Variants in TENM2 observed in about 807,000 individuals in gnomAD.
TENM2 encodes the protein teneurin-2.
TENM2 carries 52 observed loss-of-function variants against 245.2 expected under a neutral mutation model. The observed-to-expected ratio is 0.21, with a 90% CI of 0.17 to 0.27. The LOEUF (loss-of-function observed/expected upper bound fraction) is 0.27, where lower values mean the gene tolerates loss of function less well. TENM2 is among the 10% of genes least tolerant of loss of function. The pLI is 1.00. For missense variants in TENM2, 3,046 were observed against 3,666.8 expected (o/e 0.83, Z 4.37); for synonymous variants, 1,363 against 1,438.9 (o/e 0.95, Z 1.19).
At chr5:167,409,882 G>A (rs1751143451) in intron 2 of TENM2, among the ~76,000 whole-genome samples, 2 of 151,852 alleles carry the variant, frequency 1.3e-5, no homozygotes, top group Non-Finnish European at 2.9e-5. Flanking sequence ...ATTTTCTTGT[G>A]ATGTTGAGAA....
intron 1 of TENM2, among the ~76,000 whole-genome samples, chr5:167,303,765 C>T (rs1468900298): frequency 6.6e-6 from 1 of 152,000 alleles, no homozygotes; most frequent in African/African-American, 2.4e-5. Context: ...CTCACAAGGA[C>T]CAGGCAGGTA....
intron 3 of TENM2, among the ~76,000 whole-genome samples, chr5:167,925,134 C>T (rs966563708): frequency 6.6e-6 from 1 of 152,256 alleles, no homozygotes; most frequent in East Asian, 1.9e-4. Flanking sequence ...AACGTCTATC[C>T]ACATGTGAAT....
At chr5:167,430,722 C>T (rs982116459) in intron 2 of TENM2, among the ~76,000 whole-genome samples, 3 of 152,122 alleles carry the variant, frequency 2.0e-5, no homozygotes, top group African/African-American at 7.2e-5. Flanking sequence ...GAAAAATGGA[C>T]ATTTTTCCCA....
exon 5 of TENM2, chr5:167,992,971 G>C (rs781234354): frequency 1.2e-6 from 2 of 1,613,904 alleles, no homozygotes; most frequent in Admixed American, 3.3e-5. Flanking sequence ...CCTCCTCGGG[G>C]AGCACACCCT....
At chr5:167,605,361 G>A (rs1776955960) in intron 2 of TENM2, among the ~76,000 whole-genome samples, 1 of 152,106 alleles carries the variant, frequency 6.6e-6, no homozygotes, top group Admixed American at 6.5e-5. Flanking sequence ...CATGGTATAA[G>A]GATATGAACC....
chr5:168,143,923 C>T lies in TENM2; in HGVS notation c.2422+16957C>T, dbSNP rs558508760. Among the ~76,000 whole-genome samples, 3 of 145,840 alleles carry T rather than the reference C, an allele frequency of 2.1e-5. No individual in the cohort carries two copies. The East Asian group carries it at 6.1e-4, about 30-fold the overall frequency. On this transcript the variant is annotated intron_variant, in intron 12 of 28. Coordinates refer to ENST00000518659, the Ensembl canonical transcript of TENM2. ...GGAGAGCAGTGGCGCGATCTCGGCT[C>T]ACTGCAACCTCCGTTTCCCGGGTTC...
intron 1 of TENM2, among the ~76,000 whole-genome samples, chr5:167,371,334 G>GTTTTTTTTTTT (rs768614312): frequency 7.8e-6 from 1 of 128,968 alleles, no homozygotes; most frequent in Non-Finnish European, 1.6e-5. Context: ...ATGGCTCCCT[G>GTTTTTTTTTTT]TTTTTTTTTT....
At chr5:167,454,372 TAAG>T (rs753374283) in intron 2 of TENM2, among the ~76,000 whole-genome samples, 1 of 152,180 alleles carries the variant, frequency 6.6e-6, no homozygotes, top group Middle Eastern at 3.4e-3. Flanking sequence ...CTTATGTAAT[TAAG>T]AAGATCAAGG....
At chr5:167,788,907 G>T (rs956487825) in intron 2 of TENM2, among the ~76,000 whole-genome samples, 1 of 152,146 alleles carries the variant, frequency 6.6e-6, no homozygotes, top group African/African-American at 2.4e-5. Context: ...TACTAGGAAA[G>T]TGAGTCCTAA....
the TENM2 span, among the ~76,000 whole-genome samples, chr5:167,223,631 A>T: frequency 6.6e-6 from 1 of 152,102 alleles, no homozygotes; most frequent in South Asian, 2.1e-4. Flanking sequence ...AACCTTTGCT[A>T]TTACAAATAC....
intron 2 of TENM2, among the ~76,000 whole-genome samples, chr5:167,383,223 A>G (rs1021213930): frequency 2.0e-4 from 31 of 152,206 alleles, no homozygotes; most frequent in African/African-American, 4.8e-4. Flanking sequence ...AATGAAGGCC[A>G]TATACGAAAA....
At chr5:167,658,256 C>A (rs2150313302) in intron 2 of TENM2, among the ~76,000 whole-genome samples, 1 of 150,512 alleles carries the variant, frequency 6.6e-6, no homozygotes, top group Admixed American at 6.6e-5. Context: ...GTCGCCCAGG[C>A]TGGAGTGTAA....
intron 2 of TENM2, among the ~76,000 whole-genome samples, chr5:167,744,124 A>G (rs1761394697): frequency 6.6e-6 from 1 of 152,198 alleles, no homozygotes; most frequent in Admixed American, 6.5e-5. Context: ...TTATTACAAA[A>G]TCATCATGCT....
At chr5:167,032,264 G>C in the TENM2 span, among the ~76,000 whole-genome samples, 2 of 152,170 alleles carry the variant, frequency 1.3e-5, no homozygotes, top group Non-Finnish European at 2.9e-5. Flanking sequence ...CCACAACAGA[G>C]AGCAGTGGTA....
the TENM2 span, among the ~76,000 whole-genome samples, chr5:167,271,306 G>A: frequency 6.6e-6 from 1 of 152,062 alleles, no homozygotes; most frequent in Non-Finnish European, 1.5e-5. Flanking sequence ...TAGGAAAATG[G>A]GAGGAGAGCT....
intron 12 of TENM2, chr5:168,128,955 C>T (rs1299612916): frequency 2.6e-5 from 3 of 117,218 alleles, no homozygotes; most frequent in African/African-American, 6.8e-5. Flanking sequence ...TTGTGTGGCC[C>T]GTTATGGGAA....
the TENM2 span, among the ~76,000 whole-genome samples, chr5:167,063,487 C>T: frequency 6.6e-6 from 1 of 152,102 alleles, no homozygotes. Context: ...CAAATGTTCT[C>T]TAATAGAACC....
intron 4 of TENM2, among the ~76,000 whole-genome samples, chr5:167,959,996 C>T (rs981040738): frequency 1.3e-5 from 2 of 152,192 alleles, no homozygotes; most frequent in Admixed American, 1.3e-4. Flanking sequence ...CCACTCCACA[C>T]CCTATTTGCC....
At chr5:167,928,579 G>A (rs1583395903) in intron 3 of TENM2, among the ~76,000 whole-genome samples, 1 of 152,196 alleles carries the variant, frequency 6.6e-6, no homozygotes, top group Middle Eastern at 3.4e-3. Context: ...TGGCACAGAA[G>A]AGACACCAAA....
Sources: gnomAD v4.1 joint callset for allele counts (sites outside exome capture counted in the v4.1 genomes callset) on GRCh38, gnomAD v4.1.1 for gene constraint, MANE v1.5 for transcripts, NCBI Gene and HGNC (gene_info 2026-07-23, HGNC 2026-07-21) for gene names.